The following AVEN variants were observed in gnomAD, a reference collection of about 807,000 sequenced individuals.
AVEN encodes the protein apoptosis and caspase activation inhibitor, also known as cell death regulator Aven.
In AVEN, 41 loss-of-function variants were observed where a neutral mutation model predicts 38.1. The ratio of observed to expected loss-of-function variants is 1.08; its 90% CI spans 0.84 to 1.40. The LOEUF (loss-of-function observed/expected upper bound fraction) is 1.40. AVEN is among the 40% of genes most tolerant of loss of function. AVEN has a pLI of 0.00. For missense variants in AVEN, 605 were observed against 438.8 expected, an observed-to-expected ratio of 1.38 and a Z score of -3.38; for synonymous variants, 206 against 171.8, an observed-to-expected ratio of 1.20 and a Z score of -1.56.
At position 33,866,434 on chromosome 15, in the gene AVEN, C is replaced by T. The variant is rs1890506838; in HGVS notation, c.*179G>A. 1 of 588,860 alleles carries T rather than the reference C, an allele frequency of 1.7e-6. No homozygotes were observed. Among genetic ancestry groups the T allele is most frequent in the South Asian group, 2.2e-5 (1 of 45,696 alleles). 36.5% of individuals were successfully genotyped at this position (588,860 alleles called of 1,614,324 possible). A position where few individuals can be genotyped will look rare whatever the true frequency, so the allele number is the denominator to read the frequency against. On this transcript the variant is annotated 3_prime_UTR_variant, in exon 6 of 6. Transcript: ENST00000306730. ...AAGCCAGAAAAACAAATGCAACAAG[C>T]TGCTTCAATGTATTCTTTCAGATGT...
intron 2 of AVEN, among the ~76,000 whole-genome samples, chr15:33,984,545 G>C (rs1001378860): frequency 1.3e-5 from 2 of 151,978 alleles, no homozygotes; most frequent in Non-Finnish European, 1.5e-5. Context: ...TCAGATTACA[G>C]GCATGCTCCA....
intron 2 of AVEN, among the ~76,000 whole-genome samples, chr15:33,934,369 A>T (rs917429073): frequency 2.6e-5 from 4 of 152,236 alleles, no homozygotes; most frequent in African/African-American, 9.6e-5. Flanking sequence ...CAAAAAACAA[A>T]ATCTTCAGCA....
At chr15:33,906,259 C>G (rs1892696200) in intron 2 of AVEN, among the ~76,000 whole-genome samples, 1 of 152,100 alleles carries the variant, frequency 6.6e-6, no homozygotes, top group Non-Finnish European at 1.5e-5. Flanking sequence ...CCAATAGGAC[C>G]CACAAGCCCT....
intron 1 of AVEN, among the ~76,000 whole-genome samples, chr15:34,015,786 A>G (rs752247966): frequency 9.9e-5 from 15 of 152,212 alleles, no homozygotes; most frequent in Non-Finnish European, 1.9e-4. Context: ...TCCTTCTCCA[A>G]GTCCTTATAT....
intron 2 of AVEN, among the ~76,000 whole-genome samples, chr15:33,976,851 G>A (rs1455637387): frequency 6.6e-6 from 1 of 152,032 alleles, no homozygotes; most frequent in Non-Finnish European, 1.5e-5. Flanking sequence ...AGAAACATAA[G>A]CTACTTTATT....
At chr15:33,995,506 G>A (rs760188793) in intron 2 of AVEN, among the ~76,000 whole-genome samples, 38 of 152,082 alleles carry the variant, frequency 2.5e-4, no homozygotes, top group African/African-American at 6.8e-4. Context: ...ATCCACAGGC[G>A]TCCTGAAACC....
intron 2 of AVEN, among the ~76,000 whole-genome samples, chr15:33,933,524 C>CACACACACACACAGAGAGAGAG (rs1893945145): frequency 1.5e-4 from 7 of 46,650 alleles, no homozygotes; most frequent in Admixed American, 3.1e-4. Flanking sequence ...CACACACACA[C>CACACACACACACAGAGAGAGAG]AGAGAGAGAG....
At chr15:33,860,724 T>G in intron 11 of AVEN, 3 of 1,229,824 alleles carry the variant, frequency 2.4e-6, no homozygotes, top group Non-Finnish European at 3.5e-6. Flanking sequence ...ATAGATTTTT[T>G]AAACAATAGG....
Position 34,063,771 on chromosome 15 carries a change from GA to G in AVEN, n.1127-340del. 6.2e-7 allele frequency: 1 copy of G among 1,614,142 alleles called. No individual in the cohort carries two copies. The highest frequency in any genetic ancestry group is 1.7e-5 in the Admixed American group (1 of 59,992). On this transcript the variant is annotated intron_variant and non_coding_transcript_variant, in intron 4 of 11. Transcript: ENST00000675287. This position sits in a 1 kb window ranked among gnomAD's most constrained non-coding sequence, Gnocchi z 4.1. ...GGAAACTTTTGTGAAAGCTGAAACTGAAAAAAGTGACTATGACACCCCAAAC... is the reference window on the plus strand; with the variant it reads ...GGAAACTTTTGTGAAAGCTGAAACTGAAAAAGTGACTATGACACCCCAAAC...
rs549451184 is a variant in AVEN at position 33,974,352 on chromosome 15, C to T, written c.445+28680G>A. 2.3e-4 allele frequency among the ~76,000 whole-genome samples: 35 copies of T among 152,338 alleles called. No individual in the cohort carries two copies. In the South Asian group the frequency reaches 6.8e-3, roughly 30 times the overall value. On this transcript the variant is annotated intron_variant, in intron 2 of 5. Transcript: ENST00000306730. ...CTACCTGCCCCCTCTCCCTCTTTCA[C>T]TCTCTGTGAGGAATGAATCTTTGCA...
intron 11 of AVEN, chr15:33,860,684 C>G (rs760852309): frequency 5.8e-5 from 87 of 1,499,708 alleles, no homozygotes; most frequent in Non-Finnish European, 7.5e-5. Context: ...ACTACTAATC[C>G]CAGCTCTATT....
downstream of AVEN, chr15:33,865,874 A>AAT (rs1392327210): frequency 1.3e-5 from 2 of 152,718 alleles, no homozygotes; most frequent in African/African-American, 4.8e-5. Flanking sequence ...TTACTTTATG[A>AAT]AACTGCACTT....
chr15:34,062,321 C>A (rs186514632), intron 5 of AVEN, among the ~76,000 whole-genome samples: 3 of 152,128 alleles, frequency 2.0e-5, no homozygotes, highest in African/African-American at 7.2e-5. Context: ...TTTGGGAGGC[C>A]GAGGCGGGTG....
At chr15:33,980,869 T>C (rs1404547617) in intron 2 of AVEN, among the ~76,000 whole-genome samples, 1 of 152,090 alleles carries the variant, frequency 6.6e-6, no homozygotes. Flanking sequence ...CAAAATATAA[T>C]GGAAAAAATA....
chr15:33,872,024 C>T (rs1261101265), intron 3 of AVEN, among the ~76,000 whole-genome samples: 3 of 152,190 alleles, frequency 2.0e-5, no homozygotes, highest in Admixed American at 2.0e-4. Flanking sequence ...TCAGCCTGGT[C>T]AACCCTGGCA....
intron 2 of AVEN, chr15:33,972,386 T>C (rs1336529690): frequency 1.3e-5 from 2 of 152,034 alleles, no homozygotes; most frequent in East Asian, 3.9e-4. Flanking sequence ...AAGAGATCCC[T>C]AAATATAGAT....
At chr15:34,051,402 G>T (rs1039160249) in intron 5 of AVEN, among the ~76,000 whole-genome samples, 2 of 152,082 alleles carry the variant, frequency 1.3e-5, no homozygotes, top group Non-Finnish European at 2.9e-5. Context: ...AAGATCTCAA[G>T]TTAAAAACCT....
intron 2 of AVEN, among the ~76,000 whole-genome samples, chr15:33,969,384 G>T (rs1374817085): frequency 6.6e-6 from 1 of 151,170 alleles, no homozygotes; most frequent in Non-Finnish European, 1.5e-5. Flanking sequence ...TCTCATCTTT[G>T]TCTTTATTTT....
At chr15:33,915,346 C>T (rs973286532) in intron 2 of AVEN, among the ~76,000 whole-genome samples, 1 of 152,124 alleles carries the variant, frequency 6.6e-6, no homozygotes, top group Non-Finnish European at 1.5e-5. Flanking sequence ...CTGTTGCGTG[C>T]CCAGAGTGTG....
Sources: gnomAD v4.1 joint callset for allele counts (sites outside exome capture counted in the v4.1 genomes callset) on GRCh38, gnomAD v4.1.1 for gene constraint, Gnocchi (gnomAD v3.1) non-coding constraint, MANE v1.5 for transcripts, NCBI Gene and HGNC (gene_info 2026-07-23, HGNC 2026-07-21) for gene names.